SRP54: variants seen among roughly 807,000 people sequenced by gnomAD.
SRP54 encodes the protein signal recognition particle subunit SRP54.
In SRP54, 10 loss-of-function variants were observed where a neutral mutation model predicts 64.8. That is an observed-to-expected ratio of 0.15 (90% CI 0.10 to 0.26). SRP54 has a LOEUF of 0.26. SRP54 is among the 10% of genes least tolerant of loss of function. The pLI is 1.00. For synonymous variants in SRP54, 193 were observed against 185.6 expected, an observed-to-expected ratio of 1.04 and a Z score of -0.32; for missense variants, 325 against 613.7, an observed-to-expected ratio of 0.53 and a Z score of 4.97.
At chr14:35,022,339 T>C (rs184402141) in intron 13 of SRP54, among the ~76,000 whole-genome samples, 1 of 152,022 alleles carries the variant, frequency 6.6e-6, no homozygotes, top group Admixed American at 6.6e-5. Context: ...CTATAAATGT[T>C]CTTTTGAATA....
Position 35,013,659 on chromosome 14 carries a change from G to A in SRP54, c.786-143G>A, listed in dbSNP as rs2044389849. 6 of 1,047,188 alleles carry A rather than the reference G, an allele frequency of 5.7e-6. No individual in the cohort carries two copies. In the Admixed American group the frequency reaches 1.6e-4, roughly 28 times the overall value. 64.9% of individuals were successfully genotyped at this position (1,047,188 alleles called of 1,614,324 possible). A position where few individuals can be genotyped will look rare whatever the true frequency, so the allele number is the denominator to read the frequency against. On this transcript the variant is annotated intron_variant, in intron 9 of 15. Coordinates refer to ENST00000216774, the MANE Select transcript of SRP54 (RefSeq NM_003136.4). ...CAATTTTGGAGCCTGTCTGATATAG[G>A]TCTATTATAACTTGTGAAATGAAAC...
chr14:34,984,493 C>G (rs573880141), intron 1 of SRP54, among the ~76,000 whole-genome samples: 1 of 152,238 alleles, frequency 6.6e-6, no homozygotes, highest in East Asian at 1.9e-4. Context: ...AAACCTTATT[C>G]TTTTCATTTC....
intron 4 of SRP54, among the ~76,000 whole-genome samples, chr14:35,002,433 T>A (rs965676503): frequency 6.6e-6 from 1 of 151,636 alleles, no homozygotes; most frequent in Admixed American, 6.6e-5. Flanking sequence ...CCACATTGTT[T>A]GAATATTTTC....
chr14:35,029,285 G>A lies in SRP54; in HGVS notation c.*133G>A, dbSNP rs1013408268. On this transcript the variant is annotated 3_prime_UTR_variant, in exon 16 of 16. Transcript: ENST00000216774. ...TCATGCACTCTTTCCTTTTCTTCTC[G>A]CCCGCTTTTCCCCTCCTTTTCTTTT... 4 of 537,080 alleles carry A rather than the reference G, an allele frequency of 7.4e-6. No individual in the cohort carries two copies. Among genetic ancestry groups the A allele is most frequent in the African/African-American group, 2.0e-5 (1 of 49,462 alleles). 33.3% of individuals were successfully genotyped at this position (537,080 alleles called of 1,614,324 possible). A position where few individuals can be genotyped will look rare whatever the true frequency, so the allele number is the denominator to read the frequency against.
chr14:34,999,808 A>G (rs2044141416), intron 3 of SRP54, 159 bp downstream of exon 3: 1 of 506,408 alleles, frequency 2.0e-6, no homozygotes, highest in Non-Finnish European at 3.6e-6. Context: ...GAGCATGTGT[A>G]GTACGTTTCC....
rs2273158 is a variant in SRP54 at position 34,996,578 on chromosome 14, T to A, written c.-33-99T>A. The A allele has an allele frequency of 0.2, 134,623 of 675,730 alleles. 15,106 individuals are homozygous for A. Among genetic ancestry groups the A allele is most frequent in the East Asian group, 0.39 (15,057 of 39,094 alleles). The allele number at this position is 675,730 out of a possible 1,614,324, so 41.9% of individuals were successfully genotyped here. Reference sequence around the variant, plus strand: ...GGCTATGGAAGGTGATCTTACAGTATCTAAACACTAGAGTAATTTGAACTT... The same window carrying A: ...GGCTATGGAAGGTGATCTTACAGTAACTAAACACTAGAGTAATTTGAACTT... On this transcript the variant is annotated intron_variant, in intron 1 of 15. Coordinates refer to ENST00000216774, the MANE Select transcript of SRP54 (RefSeq NM_003136.4).
At chr14:34,993,427 G>A (rs558477209) in intron 1 of SRP54, 1 of 152,122 alleles carries the variant, frequency 6.6e-6, no homozygotes, top group Admixed American at 6.6e-5. Context: ...CAATGTAATT[G>A]TAAAAAAATC....
chr14:34,990,109 T>A (rs7154181), intron 1 of SRP54, among the ~76,000 whole-genome samples: 56,521 of 151,994 alleles, frequency 0.37, 11,090 homozygotes, highest in East Asian at 0.69. Flanking sequence ...AACTTCAGCC[T>A]GTTTCTATTG....
intron 7 of SRP54, among the ~76,000 whole-genome samples, chr14:35,009,618 G>A (rs140865007): frequency 5.4e-4 from 82 of 152,166 alleles, no homozygotes; most frequent in African/African-American, 2.0e-3. Context: ...AAAGCAAAAA[G>A]CCTTAAATGG....
chr14:35,028,053 A>T, intron 14 of SRP54, 35 bp from the exon 15 acceptor site: 1 of 1,454,984 alleles, frequency 6.9e-7, no homozygotes, highest in African/African-American at 1.4e-5. Context: ...ATTACCTCCT[A>T]CGCTGACTCA....
At chr14:35,024,761 C>G (rs969149663) in intron 14 of SRP54, among the ~76,000 whole-genome samples, 2 of 151,626 alleles carry the variant, frequency 1.3e-5, no homozygotes, top group East Asian at 3.9e-4. Context: ...GAGTCTTGCT[C>G]TGTCGCCCAG....
chr14:35,014,290 T>TTTTTGTTTTTTTTTTTTTG (rs1555354850), intron 10 of SRP54, among the ~76,000 whole-genome samples: 4 of 127,352 alleles, frequency 3.1e-5, no homozygotes, highest in East Asian at 5.4e-4. Context: ...TTTTTTTTTT[T>TTTTTGTTTTTTTTTTTTTG]TTTTGAGACG....
Position 34,995,317 on chromosome 14 carries a change from A to G in SRP54, c.-33-1360A>G, listed in dbSNP as rs1253409088. Among the ~76,000 whole-genome samples the G allele has an allele frequency of 2.0e-5, 3 of 152,130 alleles. No homozygotes were observed. The East Asian group carries it at 5.8e-4, about 29-fold the overall frequency. ...GCAAGCTGGAGACCCAGGAGAGCCC[A>G]TGGTGTAGATCCAGTCTGAATCTGA... On this transcript the variant is annotated intron_variant, in intron 1 of 15. Coordinates refer to ENST00000216774, the MANE Select transcript of SRP54 (RefSeq NM_003136.4).
At chr14:35,024,211 T>A (rs1412847717) in intron 14 of SRP54, among the ~76,000 whole-genome samples, 1 of 152,092 alleles carries the variant, frequency 6.6e-6, no homozygotes, top group Non-Finnish European at 1.5e-5. Flanking sequence ...GTATTTTTAG[T>A]AGAGACGGGG....
rs146233702 is a variant in SRP54, at chr14:34,996,685, G to A, written c.-25G>A. On this transcript the variant is annotated 5_prime_UTR_variant, in exon 2 of 16. Transcript: ENST00000216774. ...TTTTTTTTCTGCTGTAGAGTTCTTC[G>A]TAAGTACATCTTAAAGCTGTCAAGA... 1,151 of 1,566,306 alleles carry A rather than the reference G, an allele frequency of 7.3e-4. 9 individuals are homozygous for A. In the African/African-American group the frequency reaches 0.014, roughly 19 times the overall value.
chr14:34,997,580 T>C (rs1004663567), intron 2 of SRP54, among the ~76,000 whole-genome samples: 2 of 152,220 alleles, frequency 1.3e-5, no homozygotes, highest in Non-Finnish European at 2.9e-5. Flanking sequence ...AGAAAATGGT[T>C]TTAAGTTTCA....
intron 11 of SRP54, among the ~76,000 whole-genome samples, chr14:35,015,571 ATTAC>A (rs1418376455): frequency 2.6e-5 from 4 of 152,132 alleles, no homozygotes; most frequent in Non-Finnish European, 5.9e-5. Context: ...AACTTTTTAA[ATTAC>A]TTAGCCTCAA....
intron 7 of SRP54, among the ~76,000 whole-genome samples, chr14:35,011,266 C>G (rs1302275486): frequency 6.6e-6 from 1 of 152,086 alleles, no homozygotes; most frequent in Non-Finnish European, 1.5e-5. Flanking sequence ...GAAGGAGACA[C>G]AATTCATTCA....
intron 8 of SRP54, among the ~76,000 whole-genome samples, chr14:35,012,943 T>TTG (rs1333342371): frequency 7.3e-6 from 1 of 137,054 alleles, no homozygotes; most frequent in Admixed American, 7.2e-5. Flanking sequence ...ATGTTGTAGT[T>TTG]TTTTTTTTTT....
Sources: allele counts gnomAD v4.1 joint callset (sites outside exome capture counted in the v4.1 genomes callset), GRCh38; gene constraint gnomAD v4.1.1; transcripts MANE v1.5; gene names NCBI Gene and HGNC (gene_info 2026-07-23, HGNC 2026-07-21).